RANBP2: variants seen among roughly 807,000 people sequenced by gnomAD.
RANBP2 encodes RAN binding protein 2.
A neutral mutation model predicts 303.6 loss-of-function variants in RANBP2; 57 were observed. The ratio of observed to expected loss-of-function variants is 0.19; its 90% CI spans 0.15 to 0.23. RANBP2 has a LOEUF of 0.23. RANBP2 is among the 10% of genes least tolerant of loss of function. The pLI is 1.00. For synonymous variants in RANBP2, 1,167 were observed against 1,301.5 expected (o/e 0.90, Z 2.23); for missense variants, 3,138 against 3,780.8 (o/e 0.83, Z 4.46).
At chr2:108,834,556 A>G in the RANBP2 span, among the ~76,000 whole-genome samples, 4 of 152,344 alleles carry the variant, frequency 2.6e-5, no homozygotes, top group East Asian at 7.7e-4. Flanking sequence ...CAAATAGTTG[A>G]CATCAATCCA....
chr2:108,891,364 A>C, the RANBP2 span, among the ~76,000 whole-genome samples: 1 of 152,268 alleles, frequency 6.6e-6, no homozygotes, highest in South Asian at 2.1e-4. Flanking sequence ...GTTTTGGTTG[A>C]GTAGGGTACT....
At chr2:109,572,746 A>G in the RANBP2 span, among the ~76,000 whole-genome samples, 1 of 149,560 alleles carries the variant, frequency 6.7e-6, no homozygotes, top group South Asian at 2.1e-4. Flanking sequence ...CCTCCTGAGT[A>G]GCTGGGGCTA....
the RANBP2 span, among the ~76,000 whole-genome samples, chr2:109,351,553 A>C: frequency 6.6e-6 from 1 of 152,212 alleles, no homozygotes; most frequent in African/African-American, 2.4e-5. Flanking sequence ...GTTAATGAAA[A>C]CATTGTGGTC....
chr2:109,276,029 G>A, the RANBP2 span, among the ~76,000 whole-genome samples: 1 of 152,192 alleles, frequency 6.6e-6, no homozygotes, highest in African/African-American at 2.4e-5. Context: ...GGATTTCATG[G>A]TTCAGTTGGC....
chr2:109,764,599 T>C, the RANBP2 span, among the ~76,000 whole-genome samples: 1 of 149,386 alleles, frequency 6.7e-6, no homozygotes, highest in East Asian at 2.1e-4. Context: ...AAGGAAGTTT[T>C]CAACACTGGT....
chr2:108,921,890 C>T, the RANBP2 span, among the ~76,000 whole-genome samples: 1 of 152,384 alleles, frequency 6.6e-6, no homozygotes, highest in East Asian at 1.9e-4. Flanking sequence ...CTCTGCTGAC[C>T]TCCTTCAGGG....
chr2:109,287,573 A>G, the RANBP2 span, among the ~76,000 whole-genome samples: 1 of 152,160 alleles, frequency 6.6e-6, no homozygotes. Context: ...TTGGTGCTGG[A>G]GACTGCATCA....
At chr2:109,385,487 T>G in the RANBP2 span, among the ~76,000 whole-genome samples, 1 of 152,222 alleles carries the variant, frequency 6.6e-6, no homozygotes, top group Non-Finnish European at 1.5e-5. Flanking sequence ...CTCTTGAAAA[T>G]ACAATTTGGA....
At chr2:108,893,850 T>G in the RANBP2 span, among the ~76,000 whole-genome samples, 1 of 152,314 alleles carries the variant, frequency 6.6e-6, no homozygotes. Flanking sequence ...TATGTAATCC[T>G]CCTTATTTTC....
chr2:108,980,659 T>C, the RANBP2 span, among the ~76,000 whole-genome samples: 1 of 152,118 alleles, frequency 6.6e-6, no homozygotes, highest in Non-Finnish European at 1.5e-5. Context: ...AGGGTTTCTC[T>C]GATAAGACGA....
chr2:108,839,458 C>A, the RANBP2 span, among the ~76,000 whole-genome samples: 3 of 152,072 alleles, frequency 2.0e-5, no homozygotes, highest in Non-Finnish European at 4.4e-5. Context: ...TTGTGTTAAA[C>A]CTGTATATTA....
At chr2:109,123,356 TTCC>T in the RANBP2 span, among the ~76,000 whole-genome samples, 1 of 139,290 alleles carries the variant, frequency 7.2e-6, no homozygotes, top group South Asian at 2.4e-4. Flanking sequence ...CCTTCCTTCC[TTCC>T]TTCCTTCCTT....
chr2:109,360,128 T>C, the RANBP2 span, among the ~76,000 whole-genome samples: 3 of 152,000 alleles, frequency 2.0e-5, no homozygotes, highest in African/African-American at 7.3e-5. Context: ...AGGTAGAGAC[T>C]GAAAGCCTGC....
the RANBP2 span, among the ~76,000 whole-genome samples, chr2:109,708,622 T>C: frequency 6.6e-6 from 1 of 151,782 alleles, no homozygotes. Context: ...CTGTACTCCA[T>C]CCTGAGCAAC....
chr2:109,718,698 G>A, the RANBP2 span, among the ~76,000 whole-genome samples: 4 of 151,926 alleles, frequency 2.6e-5, no homozygotes, highest in East Asian at 1.9e-4. Flanking sequence ...ATTTAATTAC[G>A]GCCAGGCGCA....
At chr2:109,599,444 C>T in the RANBP2 span, among the ~76,000 whole-genome samples, 1 of 117,210 alleles carries the variant, frequency 8.5e-6, no homozygotes, top group Admixed American at 1.1e-4. Flanking sequence ...GGCAAAAGAG[C>T]AAGACTCAGT....
At chr2:109,395,297 C>T in the RANBP2 span, among the ~76,000 whole-genome samples, 1 of 152,214 alleles carries the variant, frequency 6.6e-6, no homozygotes, top group Non-Finnish European at 1.5e-5. Context: ...CCACTCTGGG[C>T]TTTCAGAACG....
the RANBP2 span, among the ~76,000 whole-genome samples, chr2:109,696,461 G>A: frequency 6.0e-4 from 92 of 152,298 alleles, 3 homozygotes; most frequent in Admixed American, 1.0e-3. Context: ...AATTGTCAGA[G>A]ATGAAATATG....
At chr2:109,124,663 T>C in the RANBP2 span, 1 of 152,226 alleles carries the variant, frequency 6.6e-6, no homozygotes. Context: ...AGTGACCATT[T>C]TACCCATTTT....
Sources: gnomAD v4.1 joint callset for allele counts (sites outside exome capture counted in the v4.1 genomes callset) on GRCh38, gnomAD v4.1.1 for gene constraint, MANE v1.5 for transcripts, NCBI Gene and HGNC (gene_info 2026-07-23, HGNC 2026-07-21) for gene names.